ZFP2: variants seen among roughly 807,000 people sequenced by gnomAD.
ZFP2 encodes the protein zinc finger protein ZFP2.
Under a neutral mutation model 36.1 loss-of-function variants are expected in ZFP2, and 33 were observed. The observed-to-expected ratio is 0.92, with a 90% CI of 0.69 to 1.22. ZFP2 has a LOEUF of 1.22. ZFP2 is among the 50% of genes most tolerant of loss of function. The pLI is 0.00. For missense variants in ZFP2, 522 were observed against 551.4 expected (o/e 0.95, Z 0.53); for synonymous variants, 170 against 178.0 (o/e 0.96, Z 0.36).
At chr5:178,907,607 A>C (rs572683775) in intron 1 of ZFP2, among the ~76,000 whole-genome samples, 18 of 124,354 alleles carry the variant, frequency 1.4e-4, no homozygotes, top group African/African-American at 4.6e-4. Context: ...AAGTAAGCTC[A>C]TGATATTCAA....
chr5:178,920,935 T>C (rs1267001521), intron 4 of ZFP2, among the ~76,000 whole-genome samples: 4 of 152,236 alleles, frequency 2.6e-5, no homozygotes, highest in Non-Finnish European at 4.4e-5. Flanking sequence ...ACTCTATGTC[T>C]TCTTGAAATC....
Position 178,914,183 on chromosome 5 carries a change from A to T in ZFP2, c.-224+1112A>T, listed in dbSNP as rs557166383. On this transcript the variant is annotated intron_variant, in intron 3 of 4. Transcript: ENST00000361362. ...AATCATTTCTTTGTATATTTTTTTT[A>T]AATTAAAGAGATAGGCAAATATTTA... Among the ~76,000 whole-genome samples the T allele has an allele frequency of 5.3e-5, 8 of 152,210 alleles. 1 individual carries two copies. The highest frequency in any genetic ancestry group is 3.9e-4 in the Admixed American group (6 of 15,290).
chr5:178,907,486 G>A (rs1272086548), intron 1 of ZFP2, among the ~76,000 whole-genome samples: 1 of 151,758 alleles, frequency 6.6e-6, no homozygotes, highest in Non-Finnish European at 1.5e-5. Flanking sequence ...GGGGTTAAGT[G>A]ACAACATGGG....
intron 1 of ZFP2, among the ~76,000 whole-genome samples, chr5:178,901,830 CA>C (rs1758063574): frequency 6.7e-6 from 1 of 150,190 alleles, no homozygotes; most frequent in African/African-American, 2.5e-5. Context: ...GAAATAATTT[CA>C]GACTTTAAAA....
chr5:178,931,746 CT>C lies in ZFP2; in HGVS notation c.435del (p.Thr146LeufsTer26). The C allele has an allele frequency of 9.3e-6, 15 of 1,614,106 alleles. No individual in the cohort carries two copies. Among genetic ancestry groups the C allele is most frequent in the Non-Finnish European group, 1.3e-5 (15 of 1,180,018 alleles). On this transcript the variant is annotated frameshift_variant, in exon 5 of 5. Coordinates refer to ENST00000361362, the MANE Select transcript of ZFP2 (RefSeq NM_030613.4). LOFTEE classifies it high-confidence loss of function. ...GAAACACTTCATTGAACGATCCTCC[CT>C]TACTGTACATCAAAGAATTCATACT... The part of the protein sequence containing the change: ...CGKHFIERSS[L>X]TVHQRIHTGE...
chr5:178,922,783 G>C, intron 4 of ZFP2: 1 of 1,473,572 alleles, frequency 6.8e-7, no homozygotes, highest in South Asian at 1.2e-5. Context: ...AAATGTGTGT[G>C]GTCAAAGCCA....
At chr5:178,909,575 G>A (rs927445398) in intron 1 of ZFP2, 4 of 796,342 alleles carry the variant, frequency 5.0e-6, no homozygotes, top group African/African-American at 1.8e-5. Flanking sequence ...GCCTGGTGTT[G>A]AGTCTGATCA....
chr5:178,916,237 G>C (rs1298248022), intron 3 of ZFP2, among the ~76,000 whole-genome samples: 1 of 152,202 alleles, frequency 6.6e-6, no homozygotes, highest in African/African-American at 2.4e-5. Flanking sequence ...ATTTGGTGAT[G>C]AGGGAGTGGC....
intron 3 of ZFP2, chr5:178,915,867 T>C (rs1257584888): frequency 6.6e-6 from 1 of 152,198 alleles, no homozygotes; most frequent in Admixed American, 6.5e-5. Flanking sequence ...CATGTTTTTC[T>C]TTACATTCCC....
At position 178,932,216 on chromosome 5, in the gene ZFP2, C is replaced by A. The variant is rs77356525; in HGVS notation, c.903C>A (p.Asn301Lys). ...CTGGAGAAAAACCTTACAAATGTAA[C>A]AAATGCGGGAAATCCTTTAGCCAAA... ...NHTGEKPYKC[N>K]KCGKSFSQST... The change falls in exon 5 of 5, where the codon AAC (asparagine) becomes AAA (lysine). Residue 301 changes from asparagine (N) to lysine (K), a missense_variant. Coordinates refer to ENST00000361362, the MANE Select transcript of ZFP2 (RefSeq NM_030613.4). 3.3e-4 allele frequency: 536 copies of A among 1,614,110 alleles called. 1 individual carries two copies. The highest frequency in any genetic ancestry group is 5.5e-4 in the Admixed American group (33 of 60,012).
At position 178,931,404 on chromosome 5, in the gene ZFP2, C is replaced by T. The variant is rs751012396; in HGVS notation, c.91C>T (p.Gln31Ter). ...GGGACAACAGGATAGTCATCTGAGC[C>T]AAGTGGGAGTTACCCATAAGGAAAC... ...LEGQQDSHLS[Q>*]VGVTHKETFT... Residue 31 changes from glutamine (Q) to a stop codon, truncating the protein, a stop_gained, in exon 5 of 5, where the codon CAA (glutamine) becomes TAA (stop). Transcript: ENST00000361362. LOFTEE classifies it high-confidence loss of function. 8 of 1,613,918 alleles carry T rather than the reference C, an allele frequency of 5.0e-6. No homozygotes were observed. The Admixed American group carries it at 5.0e-5, about 10-fold the overall frequency.
chr5:178,899,737 A>G (rs1481714836), intron 1 of ZFP2, among the ~76,000 whole-genome samples: 2 of 152,160 alleles, frequency 1.3e-5, no homozygotes, highest in Non-Finnish European at 2.9e-5. Flanking sequence ...GCTTCTCTGA[A>G]AAAGAAAATA....
At chr5:178,907,367 T>C (rs867964050) in intron 1 of ZFP2, among the ~76,000 whole-genome samples, 3 of 151,330 alleles carry the variant, frequency 2.0e-5, no homozygotes, top group South Asian at 4.2e-4. Flanking sequence ...ATTTTATATA[T>C]GTATATATAC....
intron 1 of ZFP2, among the ~76,000 whole-genome samples, chr5:178,898,232 C>A (rs1215126655): frequency 6.6e-6 from 1 of 152,188 alleles, no homozygotes; most frequent in East Asian, 1.9e-4. Context: ...GTGGTCCACC[C>A]ACCTTGGCCT....
chr5:178,898,348 A>C (rs998398531), intron 1 of ZFP2, among the ~76,000 whole-genome samples: 18 of 152,232 alleles, frequency 1.2e-4, no homozygotes, highest in Non-Finnish European at 2.6e-4. Context: ...TAAGTTTATG[A>C]ATTAAAGAAA....
chr5:178,932,092 A>C lies in ZFP2; in HGVS notation c.779A>C (p.His260Pro), dbSNP rs909534258. ...AFSQSMHLIV[H>P]QRSHTGEKPY... ...AGTCAAAGCATGCATCTTATTGTAC[A>C]TCAGAGAAGCCATACTGGAGAAAAA... The change falls in exon 5 of 5, where the codon CAT becomes CCT. Residue 260 changes from histidine to proline, a missense_variant. His to Pro is a moderately conservative substitution (Grantham distance 77). Transcript: ENST00000361362. 6.8e-6 allele frequency: 11 copies of C among 1,614,144 alleles called. No homozygotes were observed. Among genetic ancestry groups the C allele is most frequent in the Non-Finnish European group, 9.3e-6 (11 of 1,180,024 alleles).
chr5:178,913,353 C>G (rs551807764), intron 3 of ZFP2, among the ~76,000 whole-genome samples: 1 of 152,332 alleles, frequency 6.6e-6, no homozygotes, highest in African/African-American at 2.4e-5. Context: ...ATGTCCTCTT[C>G]TGTCTTCCTC....
rs994028821 is a variant in ZFP2, at chr5:178,925,940, C to T, written c.-77-5297C>T. ...ACGGCTCACTGCAGACTTGAACTCC[C>T]GGGCTCAGGCGATCCTCCCACCTCA... On this transcript the variant is annotated intron_variant, in intron 4 of 4. Transcript: ENST00000361362. Among the ~76,000 whole-genome samples, 12 of 148,950 alleles carry T rather than the reference C, an allele frequency of 8.1e-5. 2 individuals carry two copies. Among genetic ancestry groups the T allele is most frequent in the Admixed American group, 2.0e-4 (3 of 14,838 alleles).
At chr5:178,919,314 G>A (rs769293332) in intron 4 of ZFP2, among the ~76,000 whole-genome samples, 3 of 151,968 alleles carry the variant, frequency 2.0e-5, no homozygotes, top group Admixed American at 6.6e-5. Flanking sequence ...ATCCTTCTTC[G>A]TGCTAGTTAT....
Sources: gnomAD v4.1 joint callset for allele counts (sites outside exome capture counted in the v4.1 genomes callset) on GRCh38, gnomAD v4.1.1 for gene constraint, MANE v1.5 for transcripts, NCBI Gene and HGNC (gene_info 2026-07-23, HGNC 2026-07-21) for gene names.